The following TUSC3 variants were observed in gnomAD, a reference collection of about 807,000 sequenced individuals.
TUSC3 encodes the protein tumor suppressor candidate 3, also known as dolichyl-diphosphooligosaccharide--protein glycosyltransferase subunit TUSC3.
TUSC3 carries 45 observed loss-of-function variants against 44.8 expected under a neutral mutation model. The ratio of observed to expected loss-of-function variants is 1.00; its 90% CI spans 0.79 to 1.29. The LOEUF (loss-of-function observed/expected upper bound fraction) is 1.29, where lower values mean the gene tolerates loss of function less well. TUSC3 is among the 50% of genes most tolerant of loss of function. The pLI, the probability that TUSC3 is intolerant of heterozygous loss-of-function variation, is 0.00. For missense variants in TUSC3, 519 were observed against 437.9 expected (o/e 1.19, Z -1.65); for synonymous variants, 212 against 152.9 (o/e 1.39, Z -2.85).
intron 6 of TUSC3, among the ~76,000 whole-genome samples, chr8:15,710,649 C>A (rs1477273446): frequency 2.6e-5 from 4 of 151,682 alleles, no homozygotes; most frequent in African/African-American, 9.7e-5. Flanking sequence ...ATGCAGATTG[C>A]AGAAAATGGG....
At chr8:15,586,354 A>G (rs1009212103) in intron 1 of TUSC3, among the ~76,000 whole-genome samples, 9 of 152,114 alleles carry the variant, frequency 5.9e-5, no homozygotes, top group African/African-American at 2.2e-4. Context: ...AACTTGAAGT[A>G]AATGCATATT....
intron 2 of TUSC3, among the ~76,000 whole-genome samples, chr8:15,496,727 G>C (rs561179278): frequency 6.6e-6 from 1 of 152,080 alleles, no homozygotes; most frequent in Non-Finnish European, 1.5e-5. Context: ...GCAAAGGAGT[G>C]TGGGTCATTT....
chr8:15,759,851 ATC>A (rs370354800), intron 10 of TUSC3, among the ~76,000 whole-genome samples: 1 of 152,036 alleles, frequency 6.6e-6, no homozygotes, highest in African/African-American at 2.4e-5. Context: ...CTGCCTCCAA[ATC>A]TCTTTCTCCA....
At chr8:15,621,641 A>G (rs911639939) in intron 1 of TUSC3, among the ~76,000 whole-genome samples, 1 of 148,240 alleles carries the variant, frequency 6.7e-6, no homozygotes, top group Non-Finnish European at 1.5e-5. Context: ...AGATAAATCT[A>G]TATAGATAAA....
chr8:15,469,118 A>G (rs1800451948), intron 1 of TUSC3, among the ~76,000 whole-genome samples: 1 of 152,214 alleles, frequency 6.6e-6, no homozygotes, highest in African/African-American at 2.4e-5. Context: ...TAATGAAGCA[A>G]TTTGAACCAC....
chr8:15,457,845 TTA>T lies in TUSC3; in HGVS notation n.92-25539_92-25538del, dbSNP rs2129121360. Among the ~76,000 whole-genome samples, 3 of 39,654 alleles carry T rather than the reference TTA, an allele frequency of 7.6e-5. No homozygotes were observed. The South Asian group carries it at 1.7e-3, about 23-fold the overall frequency. 26.0% of individuals were successfully genotyped at this position (39,654 alleles called of 152,430 possible). On this transcript the variant is annotated intron_variant and non_coding_transcript_variant, in intron 1 of 5. Transcript: ENST00000503191. ...ATTAATTATTAATAAATTAGATTAA[TTA>T]TCTAATAATTATCTAATAAATTAAT...
At chr8:15,770,203 C>T (rs1229591016), downstream of TUSC3, among the ~76,000 whole-genome samples, 1 of 152,130 alleles carries the variant, frequency 6.6e-6, no homozygotes, top group South Asian at 2.1e-4. Context: ...AAATGTGGCA[C>T]ATATGCACCA....
rs147898098 is a variant in TUSC3 at position 15,602,498 on chromosome 8, T to G, written c.139-20582T>G. 1.5e-3 allele frequency among the ~76,000 whole-genome samples: 234 copies of G among 151,702 alleles called. 1 individual carries two copies. The highest frequency in any genetic ancestry group is 5.4e-3 in the African/African-American group (222 of 41,474). ...TGTGTTTATTTAGAGGTGATTTCTCTTGGTGGAAGGAGGAAGTAATGCAGA... is the reference window on the plus strand; with the variant it reads ...TGTGTTTATTTAGAGGTGATTTCTCGTGGTGGAAGGAGGAAGTAATGCAGA... On this transcript the variant is annotated intron_variant, in intron 1 of 10. Coordinates refer to ENST00000503731, the MANE Select transcript of TUSC3 (RefSeq NM_006765.4).
At chr8:15,597,281 A>C (rs547588719) in intron 1 of TUSC3, among the ~76,000 whole-genome samples, 1 of 152,124 alleles carries the variant, frequency 6.6e-6, no homozygotes, top group East Asian at 1.9e-4. Context: ...TGTGGCCCTT[A>C]GATCTTAAGA....
At chr8:15,679,246 C>A (rs191880299) in intron 6 of TUSC3, among the ~76,000 whole-genome samples, 366 of 152,222 alleles carry the variant, frequency 2.4e-3, no homozygotes, top group Non-Finnish European at 2.3e-3. Flanking sequence ...ATTCCCTTTT[C>A]TCCACAGCCT....
chr8:15,848,722 C>T, the TUSC3 span, among the ~76,000 whole-genome samples: 1 of 152,180 alleles, frequency 6.6e-6, no homozygotes, highest in African/African-American at 2.4e-5. Flanking sequence ...AACAGTGAGA[C>T]TGGAGTCCAG....
At chr8:15,480,087 T>C (rs140741087) in intron 1 of TUSC3, among the ~76,000 whole-genome samples, 58 of 152,178 alleles carry the variant, frequency 3.8e-4, no homozygotes, top group African/African-American at 1.4e-3. Context: ...GGAATACAGC[T>C]AACAAGGAAA....
intron 1 of TUSC3, chr8:15,561,476 C>G (rs1451128260): frequency 6.9e-6 from 1 of 144,790 alleles, no homozygotes; most frequent in Non-Finnish European, 1.5e-5. Flanking sequence ...TGCCCTGCCC[C>G]CAGAGGTGGA....
At chr8:15,510,694 C>T (rs956448934) in intron 2 of TUSC3, among the ~76,000 whole-genome samples, 1 of 151,920 alleles carries the variant, frequency 6.6e-6, no homozygotes, top group Non-Finnish European at 1.5e-5. Flanking sequence ...ACAAACTGTT[C>T]CTGAAAATTT....
intron 6 of TUSC3, among the ~76,000 whole-genome samples, chr8:15,683,902 C>T (rs1419726403): frequency 2.0e-5 from 3 of 151,994 alleles, no homozygotes; most frequent in African/African-American, 7.3e-5. Context: ...ATGGCCAAGA[C>T]TTTGTATGGT....
At chr8:15,428,157 C>A (rs533365057) in intron 1 of TUSC3, among the ~76,000 whole-genome samples, 38 of 126,618 alleles carry the variant, frequency 3.0e-4, no homozygotes, top group Admixed American at 8.0e-4. Flanking sequence ...GTGTGATCGT[C>A]CCCTTCCTGT....
intron 5 of TUSC3, among the ~76,000 whole-genome samples, chr8:15,662,875 C>A (rs1180025671): frequency 6.6e-6 from 1 of 151,874 alleles, no homozygotes; most frequent in Non-Finnish European, 1.5e-5. Flanking sequence ...GGAATCATGA[C>A]AAGCTTCCCA....
At chr8:15,437,454 T>C (rs1283105881) in intron 1 of TUSC3, among the ~76,000 whole-genome samples, 1 of 152,226 alleles carries the variant, frequency 6.6e-6, no homozygotes, top group African/African-American at 2.4e-5. Context: ...GTGGCTGTTA[T>C]AAGTGCTTAG....
chr8:15,845,868 A>G, the TUSC3 span, among the ~76,000 whole-genome samples: 3 of 152,172 alleles, frequency 2.0e-5, no homozygotes, highest in Non-Finnish European at 2.9e-5. Flanking sequence ...TATGCTGCTC[A>G]TGAAGACATA....
Sources: gnomAD v4.1 joint callset for allele counts (sites outside exome capture counted in the v4.1 genomes callset) on GRCh38, gnomAD v4.1.1 for gene constraint, MANE v1.5 for transcripts, NCBI Gene and HGNC (gene_info 2026-07-23, HGNC 2026-07-21) for gene names.